Variants in UNC13C observed in about 807,000 individuals in gnomAD.
UNC13C encodes unc-13 homolog C.
UNC13C carries 174 observed loss-of-function variants against 245.4 expected under a neutral mutation model. The observed-to-expected ratio is 0.71, with a 90% confidence interval of 0.63 to 0.80. UNC13C has a LOEUF of 0.80. Among genes scored for constraint, UNC13C ranks in the 30% least tolerant of loss-of-function variants. UNC13C has a pLI of 0.00. For missense variants in UNC13C, 2,829 were observed against 2,602.9 expected (o/e 1.09, Z -1.89); for synonymous variants, 992 against 895.1 (o/e 1.11, Z -1.93).
At chr15:54,068,823 T>C (rs1355722404) in intron 2 of UNC13C, among the ~76,000 whole-genome samples, 1 of 152,164 alleles carries the variant, frequency 6.6e-6, no homozygotes, top group East Asian at 1.9e-4. Context: ...CTTAACACTT[T>C]TGATCCTATA....
chr15:54,618,967 A>T (rs1362122501), intron 30 of UNC13C, among the ~76,000 whole-genome samples: 1 of 152,200 alleles, frequency 6.6e-6, no homozygotes, highest in Non-Finnish European at 1.5e-5. Flanking sequence ...GGAAATTTAA[A>T]ATACAGTAAA....
intron 1 of UNC13C, among the ~76,000 whole-genome samples, chr15:54,009,512 T>C (rs1324722868): frequency 1.3e-5 from 2 of 152,058 alleles, no homozygotes; most frequent in Non-Finnish European, 2.9e-5. Context: ...ATGTACAAGA[T>C]AAAGCAGTAG....
intron 10 of UNC13C, among the ~76,000 whole-genome samples, chr15:54,277,394 C>T (rs953761917): frequency 6.6e-6 from 1 of 152,076 alleles, no homozygotes; most frequent in African/African-American, 2.4e-5. Flanking sequence ...ATGATTAGAT[C>T]CATATCATCT....
At chr15:53,935,531 A>T in the UNC13C span, among the ~76,000 whole-genome samples, 288 of 152,344 alleles carry the variant, frequency 1.9e-3, no homozygotes, top group Admixed American at 3.2e-3. Flanking sequence ...ATTTTGGCCA[A>T]GATGGCCTAT....
intron 2 of UNC13C, among the ~76,000 whole-genome samples, chr15:54,082,814 C>CTGGG (rs1408458088): frequency 6.6e-6 from 1 of 151,910 alleles, no homozygotes; most frequent in Non-Finnish European, 1.5e-5. Flanking sequence ...GGTTTTGTTT[C>CTGGG]TGGGTGCTTT....
the UNC13C span, among the ~76,000 whole-genome samples, chr15:53,891,486 G>T: frequency 1.3e-5 from 2 of 152,164 alleles, no homozygotes; most frequent in Non-Finnish European, 2.9e-5. Flanking sequence ...CACTATCATT[G>T]TGTGGGAGTC....
At chr15:54,255,482 C>T (rs1334978618) in intron 8 of UNC13C, among the ~76,000 whole-genome samples, 1 of 152,138 alleles carries the variant, frequency 6.6e-6, no homozygotes, top group Non-Finnish European at 1.5e-5. Flanking sequence ...CTCTTCCACT[C>T]GGCATGCTCC....
chr15:54,616,553 C>G (rs188430351), intron 30 of UNC13C, among the ~76,000 whole-genome samples: 38 of 151,624 alleles, frequency 2.5e-4, no homozygotes, highest in African/African-American at 9.2e-4. Context: ...AGTTTATTAA[C>G]AACAACAGCA....
the UNC13C span, among the ~76,000 whole-genome samples, chr15:53,898,860 A>G: frequency 6.6e-6 from 1 of 152,196 alleles, no homozygotes; most frequent in African/African-American, 2.4e-5. Context: ...AACTATGACT[A>G]TATTCGCTAT....
the UNC13C span, among the ~76,000 whole-genome samples, chr15:53,969,817 C>G: frequency 0.017 from 2,532 of 151,900 alleles, 91 homozygotes; most frequent in African/African-American, 0.058. Context: ...ATCTCTAGAA[C>G]TTTTTCATTT....
intron 17 of UNC13C, among the ~76,000 whole-genome samples, chr15:54,364,153 A>C (rs960779267): frequency 6.6e-6 from 1 of 152,172 alleles, no homozygotes. Context: ...GAAAGAAAAA[A>C]CAATGAAATT....
At chr15:53,872,015 G>C in the UNC13C span, among the ~76,000 whole-genome samples, 2 of 152,204 alleles carry the variant, frequency 1.3e-5, no homozygotes, top group African/African-American at 4.8e-5. Context: ...TTCTTCAGGA[G>C]AACCTGCAGA....
intron 2 of UNC13C, among the ~76,000 whole-genome samples, chr15:54,107,920 A>G (rs1332080236): frequency 6.6e-6 from 1 of 152,186 alleles, no homozygotes; most frequent in Non-Finnish European, 1.5e-5. Context: ...GAGGATTGAA[A>G]TTTTGTCCTT....
chr15:53,997,729 C>G (rs1894700480), intron 1 of UNC13C, among the ~76,000 whole-genome samples: 1 of 152,054 alleles, frequency 6.6e-6, no homozygotes, highest in South Asian at 2.1e-4. Context: ...ATATCAGTAT[C>G]ACTACTACTG....
intron 10 of UNC13C, among the ~76,000 whole-genome samples, chr15:54,265,901 G>T (rs2036539214): frequency 6.6e-6 from 1 of 151,978 alleles, no homozygotes; most frequent in Admixed American, 6.6e-5. Flanking sequence ...ATCACTTGGG[G>T]TGGAACCATA....
chr15:54,190,456 T>C (rs183926593), intron 4 of UNC13C, among the ~76,000 whole-genome samples: 1 of 152,248 alleles, frequency 6.6e-6, no homozygotes, highest in Admixed American at 6.5e-5. Context: ...TGATGTTCTA[T>C]GTACATCAAG....
chr15:54,290,286 T>G (rs2037263099), intron 10 of UNC13C, among the ~76,000 whole-genome samples: 1 of 152,030 alleles, frequency 6.6e-6, no homozygotes, highest in Non-Finnish European at 1.5e-5. Context: ...CGACAAATAT[T>G]AGTAATGTGA....
intron 2 of UNC13C, among the ~76,000 whole-genome samples, chr15:54,078,100 G>C (rs1898734901): frequency 2.0e-5 from 3 of 152,140 alleles, no homozygotes; most frequent in African/African-American, 7.2e-5. Flanking sequence ...TATTTCACTT[G>C]ATATAATAGC....
intron 2 of UNC13C, among the ~76,000 whole-genome samples, chr15:54,033,135 A>G (rs1035039636): frequency 1.1e-4 from 17 of 152,198 alleles, no homozygotes; most frequent in African/African-American, 4.1e-4. Context: ...AACCTATGGA[A>G]ATAAAAAAAA....
Sources: gnomAD v4.1 joint callset for allele counts (sites outside exome capture counted in the v4.1 genomes callset) on GRCh38, gnomAD v4.1.1 for gene constraint, MANE v1.5 for transcripts, NCBI Gene and HGNC (gene_info 2026-07-23, HGNC 2026-07-21) for gene names.